Variants in LARP4B observed in about 807,000 individuals in gnomAD.
The protein encoded by LARP4B is la-related protein 4B.
In LARP4B, 12 loss-of-function variants were observed where a neutral mutation model predicts 89.8. The observed-to-expected ratio is 0.13, with a 90% CI of 0.09 to 0.22. The LOEUF is 0.22. Ranked by LOEUF, LARP4B falls within the 10% of genes least tolerant of loss-of-function variation. LARP4B has a pLI of 1.00. For synonymous variants in LARP4B, 367 were observed against 363.3 expected, an observed-to-expected ratio of 1.01 and a Z score of -0.12; for missense variants, 757 against 947.7, an observed-to-expected ratio of 0.80 and a Z score of 2.64.
intron 8 of LARP4B, among the ~76,000 whole-genome samples, chr10:835,402 C>T (rs1468394608): frequency 2.0e-5 from 3 of 152,156 alleles, no homozygotes; most frequent in Non-Finnish European, 2.9e-5. Context: ...GTAGCATGAA[C>T]GACGAGGCTG....
intron 3 of LARP4B, among the ~76,000 whole-genome samples, chr10:880,725 G>C (rs1359363580): frequency 6.6e-6 from 1 of 152,056 alleles, no homozygotes; most frequent in Non-Finnish European, 1.5e-5. Context: ...ATGTTTTGCT[G>C]AATTGTACAT....
At chr10:938,221 C>T in the LARP4B span, among the ~76,000 whole-genome samples, 1 of 147,034 alleles carries the variant, frequency 6.8e-6, no homozygotes, top group Non-Finnish European at 1.5e-5. Context: ...GTCTTCTAAC[C>T]AAGGCTAAAT....
rs987471429 is a variant in LARP4B at position 876,829 on chromosome 10, A to G, written c.141+7618T>C. ...CTGCAGTGGCTCTGCTCCTGTGACA[A>G]GTCTCTGCCTGGGCCCCCAGGCTGT... On this transcript the variant is annotated intron_variant, in intron 3 of 17. Transcript: ENST00000316157. 5.5e-4 allele frequency among the ~76,000 whole-genome samples: 84 copies of G among 152,200 alleles called. 2 individuals are homozygous for G. Among genetic ancestry groups the G allele is most frequent in the Admixed American group, 5.5e-3 (84 of 15,290 alleles).
At chr10:905,652 C>T (rs1057033771) in intron 1 of LARP4B, among the ~76,000 whole-genome samples, 9 of 150,714 alleles carry the variant, frequency 6.0e-5, no homozygotes, top group South Asian at 2.1e-4. Flanking sequence ...AGAAAGTGAA[C>T]GTGGGGAGGG....
At chr10:845,159 C>T in intron 5 of LARP4B, 104 bp from the exon 6 acceptor site, 1 of 746,284 alleles carries the variant, frequency 1.3e-6, no homozygotes, top group East Asian at 2.6e-5. Context: ...TCTGACACAA[C>T]TACGTAAGTG....
chr10:969,133 T>G, the LARP4B span, among the ~76,000 whole-genome samples: 1 of 152,180 alleles, frequency 6.6e-6, no homozygotes, highest in Non-Finnish European at 1.5e-5. Context: ...GGGAATAATT[T>G]CTGGATTGGA....
chr10:924,234 C>G (rs1325313986), intron 1 of LARP4B: 1 of 151,684 alleles, frequency 6.6e-6, no homozygotes, highest in Non-Finnish European at 1.5e-5. Flanking sequence ...CAAACTGTCT[C>G]AAAAAAATAA....
the LARP4B span, among the ~76,000 whole-genome samples, chr10:955,626 G>T: frequency 2.6e-5 from 4 of 152,078 alleles, no homozygotes; most frequent in African/African-American, 7.2e-5. This position sits in a 1 kb window ranked among gnomAD's most constrained non-coding sequence, Gnocchi z 5.2. Context: ...TGCCCAGGAC[G>T]GGGAGTTTAC....
At chr10:975,391 C>T in the LARP4B span, among the ~76,000 whole-genome samples, 629 of 152,328 alleles carry the variant, frequency 4.1e-3, 6 homozygotes, top group African/African-American at 0.015. Flanking sequence ...GCTCAGTAAG[C>T]GTCTGTTGAA....
chr10:941,018 T>C, the LARP4B span, among the ~76,000 whole-genome samples: 2 of 152,122 alleles, frequency 1.3e-5, no homozygotes, highest in Admixed American at 6.6e-5. Flanking sequence ...AGCCCCGGAC[T>C]TCAGTTTTGT....
intron 2 of LARP4B, 34 bp downstream of exon 2, chr10:885,607 T>G: frequency 6.5e-7 from 1 of 1,543,762 alleles, no homozygotes; most frequent in African/African-American, 1.4e-5. Context: ...AAAAAAGCAA[T>G]GGACTCCCCA....
chr10:904,709 G>A (rs147967241), intron 1 of LARP4B, among the ~76,000 whole-genome samples: 16 of 152,270 alleles, frequency 1.1e-4, no homozygotes, highest in Middle Eastern at 3.4e-3. Flanking sequence ...GTTATCTGAC[G>A]GCTGATCCAG....
chr10:817,010 T>G (rs539564628), intron 15 of LARP4B, among the ~76,000 whole-genome samples: 2 of 152,282 alleles, frequency 1.3e-5, no homozygotes, highest in South Asian at 4.1e-4. Context: ...AAAGGGCCCC[T>G]GGCACAGGGG....
At chr10:823,609 C>A (rs929189194) in intron 13 of LARP4B, among the ~76,000 whole-genome samples, 6 of 151,454 alleles carry the variant, frequency 4.0e-5, no homozygotes, top group African/African-American at 1.5e-4. Flanking sequence ...CCTTGTCCAT[C>A]TAGTCTGCCT....
At position 911,226 on chromosome 10, in the gene LARP4B, G is replaced by A. The variant is rs7917886; in HGVS notation, c.-40+20202C>T. Among the ~76,000 whole-genome samples the A allele has an allele frequency of 1.1e-3, 170 of 152,220 alleles. 1 individual carries two copies. Among genetic ancestry groups the A allele is most frequent in the African/African-American group, 3.9e-3 (163 of 41,540 alleles). Reference sequence around the variant, plus strand: ...GGGAAAAGTTGGCTTTAGAACCAGAGAAACTAAATGGGAAACGTACTTTAT... The same window carrying A: ...GGGAAAAGTTGGCTTTAGAACCAGAAAAACTAAATGGGAAACGTACTTTAT... On this transcript the variant is annotated intron_variant, in intron 1 of 17. Coordinates refer to ENST00000316157, the MANE Select transcript of LARP4B (RefSeq NM_015155.3).
chr10:923,216 G>A (rs1003219559), intron 1 of LARP4B, among the ~76,000 whole-genome samples: 8 of 152,274 alleles, frequency 5.3e-5, no homozygotes, highest in African/African-American at 1.9e-4. Context: ...AAAAGCACAA[G>A]AGACAATGCT....
chr10:966,676 G>A, the LARP4B span, among the ~76,000 whole-genome samples: 16 of 152,242 alleles, frequency 1.1e-4, no homozygotes, highest in Non-Finnish European at 8.8e-5. Context: ...GAAATAAAAG[G>A]CTTGCGGGAG....
At chr10:815,136 C>T (rs1296223110) in intron 15 of LARP4B, 66 bp from the exon 16 acceptor site, 26 of 1,492,830 alleles carry the variant, frequency 1.7e-5, no homozygotes, top group Non-Finnish European at 2.0e-5. Flanking sequence ...TACCAGTGCC[C>T]GTTCACCCCA....
chr10:842,623 GTTA>G (rs1318839003), intron 7 of LARP4B, among the ~76,000 whole-genome samples: 1 of 152,152 alleles, frequency 6.6e-6, no homozygotes, highest in Non-Finnish European at 1.5e-5. Context: ...AACTATAAAT[GTTA>G]TTTTTATTTT....
Sources: allele counts gnomAD v4.1 joint callset (sites outside exome capture counted in the v4.1 genomes callset), GRCh38; gene constraint gnomAD v4.1.1; non-coding constraint Gnocchi (gnomAD v3.1); transcripts MANE v1.5; gene names NCBI Gene and HGNC (gene_info 2026-07-23, HGNC 2026-07-21).